THSD7A: variants seen among roughly 807,000 people sequenced by gnomAD.
THSD7A encodes thrombospondin type 1 domain containing 7A, also known as thrombospondin type-1 domain-containing protein 7A.
THSD7A carries 96 observed loss-of-function variants against 231.3 expected under a neutral mutation model. The observed-to-expected ratio is 0.41, with a 90% CI of 0.35 to 0.49. The LOEUF (loss-of-function observed/expected upper bound fraction) is 0.49. THSD7A is among the 20% of genes least tolerant of loss of function. THSD7A has a pLI of 0.05. For synonymous variants in THSD7A, 940 were observed against 743.3 expected (o/e 1.26, Z -4.30); for missense variants, 2,290 against 2,070.2 (o/e 1.11, Z -2.06).
rs535925818 is a variant in THSD7A, at chr7:11,470,013, A to T, written c.2253-19T>A. ...AGGACATCTAGAAAGGCAAAGGGGA[A>T]TTATTAGGCTTCAATAGTAAAGCAG... is the stretch of plus-strand genomic sequence containing the variant. On this transcript the variant is annotated intron_variant, in intron 8 of 27. Coordinates refer to ENST00000423059, the MANE Select transcript of THSD7A (RefSeq NM_015204.3). 3 of 1,478,984 alleles carry T rather than the reference A, an allele frequency of 2.0e-6. No individual in the cohort carries two copies. The South Asian group carries it at 3.6e-5, about 18-fold the overall frequency. 91.6% of individuals were successfully genotyped at this position (1,478,984 alleles called of 1,614,324 possible). A position where few individuals can be genotyped will look rare whatever the true frequency, so the allele number is the denominator to read the frequency against.
At chr7:11,798,082 T>C (rs183264056) in intron 1 of THSD7A, among the ~76,000 whole-genome samples, 301 of 152,240 alleles carry the variant, frequency 2.0e-3, no homozygotes, top group Non-Finnish European at 3.1e-3. Context: ...CACAGTAGGA[T>C]TGCAAGTTGT....
chr7:11,626,359 T>C (rs1336883105), intron 2 of THSD7A, among the ~76,000 whole-genome samples: 1 of 152,132 alleles, frequency 6.6e-6, no homozygotes, highest in Non-Finnish European at 1.5e-5. Context: ...ATCATTTTCA[T>C]CAAGGTCATA....
At chr7:11,384,972 G>A (rs1437695599) in intron 23 of THSD7A, 2 of 151,542 alleles carry the variant, frequency 1.3e-5, no homozygotes, top group South Asian at 4.1e-4. Context: ...TTTCACCAAC[G>A]TTTTAGTTTC....
chr7:11,381,903 T>C (rs749811907), intron 24 of THSD7A, among the ~76,000 whole-genome samples: 5 of 152,194 alleles, frequency 3.3e-5, no homozygotes, highest in Non-Finnish European at 7.4e-5. Context: ...TCTTTGGAGG[T>C]ATATGTTGGT....
At chr7:11,598,625 T>C (rs1474869733) in intron 2 of THSD7A, among the ~76,000 whole-genome samples, 1 of 152,172 alleles carries the variant, frequency 6.6e-6, no homozygotes, top group Admixed American at 6.5e-5. Flanking sequence ...GTAACAATAG[T>C]TTGCAGGGCT....
chr7:11,585,073 T>A (rs1055542235), intron 4 of THSD7A, among the ~76,000 whole-genome samples: 1 of 152,200 alleles, frequency 6.6e-6, no homozygotes, highest in African/African-American at 2.4e-5. Context: ...CTCATGTTTA[T>A]CTGACTTCTG....
At chr7:11,635,353 G>C (rs548054010) in intron 2 of THSD7A, among the ~76,000 whole-genome samples, 44 of 152,242 alleles carry the variant, frequency 2.9e-4, no homozygotes, top group African/African-American at 1.0e-3. Flanking sequence ...CAGATGGTCT[G>C]GTTTATCCAA....
At chr7:11,603,536 C>G (rs1005332625) in intron 2 of THSD7A, among the ~76,000 whole-genome samples, 7 of 151,642 alleles carry the variant, frequency 4.6e-5, no homozygotes, top group Admixed American at 4.6e-4. Context: ...GGGTATATAC[C>G]CAAAGGACTA....
chr7:11,821,382 G>T, intron 1 of THSD7A: 9 of 465,146 alleles, frequency 1.9e-5, no homozygotes, highest in African/African-American at 4.0e-5. Flanking sequence ...CTTCTCCCTT[G>T]CCCTGATTTT....
intron 1 of THSD7A, among the ~76,000 whole-genome samples, chr7:11,746,451 T>C (rs1194134852): frequency 3.3e-5 from 5 of 152,022 alleles, no homozygotes; most frequent in South Asian, 4.1e-4. Context: ...GTCATATTTC[T>C]TTAGGATAAT....
At chr7:11,571,843 T>A (rs553152165) in intron 4 of THSD7A, among the ~76,000 whole-genome samples, 1 of 152,298 alleles carries the variant, frequency 6.6e-6, no homozygotes, top group Admixed American at 6.5e-5. Flanking sequence ...TTTCTCTTTA[T>A]CTTTCAGAAA....
intron 6 of THSD7A, 86 bp from the exon 7 acceptor site, chr7:11,482,068 T>G: frequency 7.3e-7 from 1 of 1,362,984 alleles, no homozygotes; most frequent in Non-Finnish European, 9.9e-7. Flanking sequence ...CCAGATAAGT[T>G]ACATTATCTT....
intron 6 of THSD7A, among the ~76,000 whole-genome samples, chr7:11,502,401 A>T (rs1787373975): frequency 6.6e-6 from 1 of 152,206 alleles, no homozygotes; most frequent in African/African-American, 2.4e-5. Context: ...AATACTTGCA[A>T]ACCAAATCCA....
At chr7:11,743,928 C>T (rs971974507) in intron 1 of THSD7A, among the ~76,000 whole-genome samples, 5 of 151,888 alleles carry the variant, frequency 3.3e-5, no homozygotes, top group South Asian at 2.1e-4. Context: ...ATATTGCTAA[C>T]TTTTAATTAG....
In THSD7A at chr7:11,407,064, G is replaced by C. The variant is rs773909108; in HGVS notation, c.3917-9C>G. On this transcript the variant is annotated splice_polypyrimidine_tract_variant and intron_variant, in intron 20 of 27. Coordinates refer to ENST00000423059, the MANE Select transcript of THSD7A (RefSeq NM_015204.3). ...TCTTCGGATCATTTTTCCTTGAAGA[G>C]ATACAAAGTGATGCACCTTTAATAT... 6.2e-7 allele frequency: 1 copy of C among 1,613,274 alleles called. No individual in the cohort carries two copies. Among genetic ancestry groups the C allele is most frequent in the African/African-American group, 1.3e-5 (1 of 74,992 alleles).
intron 13 of THSD7A, among the ~76,000 whole-genome samples, chr7:11,439,765 G>A (rs1195767575): frequency 6.6e-6 from 1 of 151,984 alleles, no homozygotes; most frequent in Non-Finnish European, 1.5e-5. Flanking sequence ...AGCTAGCAGA[G>A]GTTGGTTTGG....
chr7:11,637,858 G>C lies in THSD7A; in HGVS notation c.191-897C>G, dbSNP rs557328606. Among the ~76,000 whole-genome samples, 2 of 152,182 alleles carry C rather than the reference G, an allele frequency of 1.3e-5. No homozygotes were observed. Among genetic ancestry groups the C allele is most frequent in the Admixed American group, 1.3e-4 (2 of 15,290 alleles). On this transcript the variant is annotated intron_variant, in intron 1 of 27. Transcript: ENST00000423059. This position sits in a 1 kb window ranked among gnomAD's most constrained non-coding sequence, Gnocchi z 4.2. The stretch of plus-strand genomic sequence containing the variant: ...TATTTTTTTCTAAGGTAGATGATAT[G>C]ATTTTCAGTACTTTAATAGACAGAT...
intron 6 of THSD7A, among the ~76,000 whole-genome samples, chr7:11,522,621 T>C (rs1788311934): frequency 7.6e-6 from 1 of 132,434 alleles, no homozygotes; most frequent in Non-Finnish European, 1.6e-5. Context: ...GTATCACTAA[T>C]TATAAAAGGT....
At chr7:11,477,848 G>A (rs921531970) in intron 7 of THSD7A, among the ~76,000 whole-genome samples, 4 of 151,996 alleles carry the variant, frequency 2.6e-5, no homozygotes, top group Non-Finnish European at 1.5e-5. Flanking sequence ...GCTGCTCTCA[G>A]GTCTTTTCAG....
Sources: gnomAD v4.1 joint callset for allele counts (sites outside exome capture counted in the v4.1 genomes callset) on GRCh38, gnomAD v4.1.1 for gene constraint, Gnocchi (gnomAD v3.1) non-coding constraint, MANE v1.5 for transcripts, NCBI Gene and HGNC (gene_info 2026-07-23, HGNC 2026-07-21) for gene names.